Variants in SEC22A observed in about 807,000 individuals in gnomAD.
SEC22A encodes vesicle-trafficking protein SEC22a.
Under a neutral mutation model 35.3 loss-of-function variants are expected in SEC22A, and 22 were observed. The observed-to-expected ratio is 0.62, with a 90% CI of 0.45 to 0.89. SEC22A has a LOEUF of 0.89. Among genes scored for constraint, SEC22A ranks in the 40% least tolerant of loss-of-function variants. The probability of loss-of-function intolerance (pLI) is 0.00; values close to 1 mark genes in which losing one functional copy is unlikely to be tolerated. For synonymous variants in SEC22A, 119 were observed against 129.5 expected, an observed-to-expected ratio of 0.92 and a Z score of 0.55; for missense variants, 354 against 362.5, an observed-to-expected ratio of 0.98 and a Z score of 0.19.
Position 123,232,753 on chromosome 3 carries a change from G to T in SEC22A, c.541+7456G>T, listed in dbSNP as rs570877528. Among the ~76,000 whole-genome samples the T allele has an allele frequency of 3.3e-5, 5 of 152,266 alleles. 1 individual carries two copies. Among genetic ancestry groups the T allele is most frequent in the South Asian group, 2.1e-4 (1 of 4,828 alleles). Reference sequence around the variant, plus strand: ...CAAAACCAGGCAAAGTCATCACAAAGAAAGTAAAATGCAGACCAATATATC... The same window carrying T: ...CAAAACCAGGCAAAGTCATCACAAATAAAGTAAAATGCAGACCAATATATC... On this transcript the variant is annotated intron_variant, in intron 4 of 6. Transcript: ENST00000492595.
At chr3:123,211,506 C>T (rs966741177) in intron 2 of SEC22A, among the ~76,000 whole-genome samples, 3 of 152,070 alleles carry the variant, frequency 2.0e-5, no homozygotes, top group Non-Finnish European at 4.4e-5. Flanking sequence ...GTTACCTAGG[C>T]TGGAATGCAG....
intron 4 of SEC22A, among the ~76,000 whole-genome samples, chr3:123,242,239 TC>T (rs10706468): frequency 0.2 from 29,838 of 152,026 alleles, 3,027 homozygotes; most frequent in Middle Eastern, 0.28. Context: ...CGTCTGCTTC[TC>T]CCAGCTATTC....
At chr3:123,244,380 A>G (rs1244519532) in intron 4 of SEC22A, among the ~76,000 whole-genome samples, 1 of 152,230 alleles carries the variant, frequency 6.6e-6, no homozygotes, top group Non-Finnish European at 1.5e-5. Flanking sequence ...TGTTCTTGTT[A>G]AAGGAGACTT....
At chr3:123,215,835 A>G (rs1221417845) in intron 2 of SEC22A, among the ~76,000 whole-genome samples, 1 of 152,184 alleles carries the variant, frequency 6.6e-6, no homozygotes. Flanking sequence ...GAACCAGGGA[A>G]GAGAATGAAG....
intron 5 of SEC22A, among the ~76,000 whole-genome samples, chr3:123,246,647 TTC>T (rs1468207337): frequency 2.6e-5 from 4 of 152,234 alleles, no homozygotes; most frequent in African/African-American, 9.6e-5. Flanking sequence ...TACTAATTTT[TTC>T]TCTTATGCTT....
intron 6 of SEC22A, among the ~76,000 whole-genome samples, chr3:123,267,378 G>A (rs1055073094): frequency 2.7e-5 from 4 of 147,484 alleles, no homozygotes; most frequent in Admixed American, 1.4e-4. Flanking sequence ...GTATCTATTT[G>A]TATAGCTTTT....
intron 6 of SEC22A, among the ~76,000 whole-genome samples, chr3:123,264,839 G>T (rs963233772): frequency 2.0e-5 from 3 of 151,380 alleles, no homozygotes; most frequent in Non-Finnish European, 2.9e-5. Flanking sequence ...TAGAGATGGG[G>T]TTTCACCATG....
intron 1 of SEC22A, among the ~76,000 whole-genome samples, chr3:123,207,099 T>C (rs556815434): frequency 7.2e-4 from 110 of 151,986 alleles, no homozygotes; most frequent in Non-Finnish European, 1.5e-3. Flanking sequence ...AGGAGAAAAA[T>C]ATTAAAGGGT....
Position 123,223,728 on chromosome 3 carries a change from G to A in SEC22A, c.346+6G>A. The stretch of plus-strand genomic sequence containing the variant: ...ATACTGTTTCATTGAATTTGGTAAG[G>A]GCCTGATTTTTTTTTCCTTTTTATT... On this transcript the variant is annotated splice_donor_region_variant and intron_variant, in intron 3 of 6. Coordinates refer to ENST00000492595, the MANE Select transcript of SEC22A (RefSeq NM_012430.5). 1 of 1,603,944 alleles carries A rather than the reference G, an allele frequency of 6.2e-7. No individual in the cohort carries two copies. The highest frequency in any genetic ancestry group is 8.5e-7 in the Non-Finnish European group (1 of 1,175,110).
chr3:123,248,170 T>TA lies in SEC22A; in HGVS notation c.657+2157dup, dbSNP rs1937581554. On this transcript the variant is annotated intron_variant, in intron 5 of 6. Coordinates refer to ENST00000492595, the MANE Select transcript of SEC22A (RefSeq NM_012430.5). ...GGAACAGGGCAAGGATGTCCCCACT[T>TA]ACCACTCTGTCCAACATCATACTGG... 7.2e-5 allele frequency among the ~76,000 whole-genome samples: 11 copies of TA among 152,286 alleles called. No homozygotes were observed. In the South Asian group the frequency reaches 2.3e-3, roughly 32 times the overall value.
At chr3:123,256,484 A>G (rs1937735235) in intron 5 of SEC22A, among the ~76,000 whole-genome samples, 1 of 152,096 alleles carries the variant, frequency 6.6e-6, no homozygotes, top group Non-Finnish European at 1.5e-5. Context: ...CACTGTACGC[A>G]CTACTTCCTT....
rs1363603413 is a variant in SEC22A at position 123,271,642 on chromosome 3, C to G, written c.844C>G (p.His282Asp). 1.2e-6 allele frequency: 2 copies of G among 1,614,200 alleles called. No homozygotes were observed. The highest frequency in any genetic ancestry group is 1.7e-6 in the Non-Finnish European group (2 of 1,180,026). ...GCGCAACCTCTGGCAGCTTTTCTTT[C>G]ATGTGACTGTGGGAGCATTTGTTAC... ...ELRNLWQLFFHVTVGAFVTLQ... is the reference protein window; with the variant it reads ...ELRNLWQLFFDVTVGAFVTLQ... Residue 282 changes from histidine (H) to aspartate (D), a missense_variant, in exon 7 of 7, where the codon CAT becomes GAT. His to Asp is a moderately conservative substitution (Grantham distance 81). Transcript: ENST00000492595.
At chr3:123,246,129 A>G (rs986500319) in intron 5 of SEC22A, 115 bp downstream of exon 5, 13 of 603,300 alleles carry the variant, frequency 2.2e-5, no homozygotes, top group African/African-American at 1.3e-4. Flanking sequence ...CTCAAAATCT[A>G]TGTTTTTTTA....
At chr3:123,227,102 G>A (rs1455452841) in intron 4 of SEC22A, among the ~76,000 whole-genome samples, 1 of 151,960 alleles carries the variant, frequency 6.6e-6, no homozygotes, top group African/African-American at 2.4e-5. Context: ...GAATACTATC[G>A]TCAACAGTTG....
chr3:123,254,981 A>G (rs181347247), intron 5 of SEC22A, among the ~76,000 whole-genome samples: 1 of 147,246 alleles, frequency 6.8e-6, no homozygotes, highest in East Asian at 2.0e-4. Flanking sequence ...TTAGTCTACT[A>G]TGATCTCTTT....
intron 4 of SEC22A, among the ~76,000 whole-genome samples, chr3:123,240,501 A>G (rs1258458939): frequency 1.3e-5 from 2 of 152,182 alleles, no homozygotes; most frequent in Non-Finnish European, 2.9e-5. Context: ...GCGGTATTCC[A>G]TTGTATGAAT....
intron 6 of SEC22A, among the ~76,000 whole-genome samples, chr3:123,270,835 T>C (rs1938144203): frequency 6.6e-6 from 1 of 152,216 alleles, no homozygotes; most frequent in Admixed American, 6.5e-5. Context: ...CCCTTTTTCC[T>C]GCTTTCTCTT....
chr3:123,226,358 T>C (rs1937217652), intron 4 of SEC22A, among the ~76,000 whole-genome samples: 1 of 152,218 alleles, frequency 6.6e-6, no homozygotes. Flanking sequence ...CCAGCATTCA[T>C]TATTGCCTGT....
intron 6 of SEC22A, among the ~76,000 whole-genome samples, chr3:123,265,881 A>G (rs1365638807): frequency 6.6e-6 from 1 of 152,090 alleles, no homozygotes; most frequent in Non-Finnish European, 1.5e-5. Flanking sequence ...TGGGTTCTGT[A>G]TTTTGTTGCA....
Sources: allele counts gnomAD v4.1 joint callset (sites outside exome capture counted in the v4.1 genomes callset), GRCh38; gene constraint gnomAD v4.1.1; transcripts MANE v1.5; gene names NCBI Gene and HGNC (gene_info 2026-07-23, HGNC 2026-07-21).